Variants in PPARG observed in about 807,000 individuals in gnomAD.
The protein encoded by PPARG is peroxisome proliferator activated receptor gamma.
Under a neutral mutation model 39.2 loss-of-function variants are expected in PPARG, and 17 were observed. The ratio of observed to expected loss-of-function variants is 0.43; its 90% confidence interval spans 0.30 to 0.65. PPARG has a LOEUF of 0.65. Ranked by LOEUF, PPARG falls within the 30% of genes least tolerant of loss-of-function variation. The pLI, the probability that PPARG is intolerant of heterozygous loss-of-function variation, is 0.13. For synonymous variants in PPARG, 223 were observed against 215.7 expected (o/e 1.03, Z -0.30); for missense variants, 406 against 585.9 (o/e 0.69, Z 3.17).
intron 1 of PPARG, among the ~76,000 whole-genome samples, chr3:12,296,239 A>G (rs2046780262): frequency 7.0e-6 from 1 of 143,756 alleles, no homozygotes; most frequent in African/African-American, 2.6e-5. Context: ...TGGGCAACAG[A>G]GCAACACTTT....
chr3:12,361,521 T>C (rs1236952639), intron 2 of PPARG, among the ~76,000 whole-genome samples: 1 of 152,234 alleles, frequency 6.6e-6, no homozygotes, highest in Non-Finnish European at 1.5e-5. Context: ...GAATTGACTT[T>C]TGTGTATGTT....
At chr3:12,348,504 C>T (rs755567139) in intron 2 of PPARG, among the ~76,000 whole-genome samples, 1 of 152,140 alleles carries the variant, frequency 6.6e-6, no homozygotes, top group South Asian at 2.1e-4. Flanking sequence ...AGTTTTCATC[C>T]TCCTCATTAT....
chr3:12,305,779 T>C (rs932199686), intron 1 of PPARG: 1 of 152,254 alleles, frequency 6.6e-6, no homozygotes, highest in Non-Finnish European at 1.5e-5. Context: ...TAACTTAGTA[T>C]ACAATGAATT....
intron 2 of PPARG, among the ~76,000 whole-genome samples, chr3:12,347,406 C>T (rs192320298): frequency 0.012 from 1,734 of 150,180 alleles, 28 homozygotes; most frequent in African/African-American, 0.038. Flanking sequence ...TGGGACTATC[C>T]GGCTTGTTGT....
At chr3:12,409,835 C>T (rs777276592) in intron 6 of PPARG, among the ~76,000 whole-genome samples, 1 of 152,176 alleles carries the variant, frequency 6.6e-6, no homozygotes, top group East Asian at 1.9e-4. Context: ...TTGTAGAATG[C>T]GCCCTGCCCG....
chr3:12,312,748 T>C (rs145069949), intron 2 of PPARG, among the ~76,000 whole-genome samples: 1 of 85,350 alleles, frequency 1.2e-5, no homozygotes, highest in Non-Finnish European at 2.7e-5. Context: ...TCTACTTAAG[T>C]AATAATTACA....
At chr3:12,340,584 G>T (rs1165334508) in intron 2 of PPARG, among the ~76,000 whole-genome samples, 1 of 152,100 alleles carries the variant, frequency 6.6e-6, no homozygotes, top group Non-Finnish European at 1.5e-5. Context: ...AAATAAAAAT[G>T]TAACATCTTA....
At chr3:12,429,552 CAAAAAAA>C (rs753288907) in intron 7 of PPARG, among the ~76,000 whole-genome samples, 2,770 of 99,642 alleles carry the variant, frequency 0.028, 86 homozygotes, top group African/African-American at 0.1. Flanking sequence ...CTGTCTCTAC[CAAAAAAA>C]AAAAAAAAAA....
At chr3:12,335,821 G>A (rs1405537450) in intron 2 of PPARG, among the ~76,000 whole-genome samples, 1 of 151,844 alleles carries the variant, frequency 6.6e-6, no homozygotes, top group Non-Finnish European at 1.5e-5. Context: ...ATTAGAAGTA[G>A]AAGGCAATGT....
At chr3:12,429,505 C>G (rs542383603) in intron 7 of PPARG, among the ~76,000 whole-genome samples, 12 of 147,382 alleles carry the variant, frequency 8.1e-5, no homozygotes, top group African/African-American at 3.0e-4. Flanking sequence ...ATCTCTTGAG[C>G]CCAGCATTCA....
At chr3:12,357,001 A>G (rs115384912) in intron 2 of PPARG, among the ~76,000 whole-genome samples, 105 of 152,168 alleles carry the variant, frequency 6.9e-4, no homozygotes, top group African/African-American at 2.5e-3. Context: ...TCTAAACTGA[A>G]AATGTGTTCA....
intron 2 of PPARG, among the ~76,000 whole-genome samples, chr3:12,365,547 T>G (rs994279625): frequency 1.3e-5 from 2 of 152,030 alleles, no homozygotes; most frequent in Admixed American, 1.3e-4. Context: ...TTGAGTTAAT[T>G]TTTATGAAGA....
At chr3:12,358,460 T>G (rs1327351735) in intron 2 of PPARG, among the ~76,000 whole-genome samples, 3 of 152,202 alleles carry the variant, frequency 2.0e-5, no homozygotes, top group Admixed American at 6.5e-5. Context: ...TTAAGTCAGA[T>G]CTTTAGGAAA....
At chr3:12,299,056 A>C (rs1463020323) in intron 1 of PPARG, among the ~76,000 whole-genome samples, 7 of 151,994 alleles carry the variant, frequency 4.6e-5, no homozygotes, top group Admixed American at 4.6e-4. Flanking sequence ...GCTGGTCTTG[A>C]ACTCGTAGGC....
chr3:12,293,846 T>G (rs1242890861), intron 1 of PPARG, among the ~76,000 whole-genome samples: 2 of 152,248 alleles, frequency 1.3e-5, no homozygotes, highest in Non-Finnish European at 2.9e-5. Context: ...AGTGCAATGA[T>G]GAAGTTCCGG....
chr3:12,352,996 A>G (rs2048536403), intron 2 of PPARG, among the ~76,000 whole-genome samples: 1 of 152,212 alleles, frequency 6.6e-6, no homozygotes, highest in Non-Finnish European at 1.5e-5. Context: ...AGTTTTGTCT[A>G]TTTTGAAAGA....
intron 2 of PPARG, among the ~76,000 whole-genome samples, chr3:12,360,029 A>C (rs1397725182): frequency 1.3e-5 from 2 of 151,954 alleles, no homozygotes; most frequent in Non-Finnish European, 1.5e-5. Flanking sequence ...CGCCATTTAC[A>C]CTGATTTGAA....
chr3:12,314,555 T>G (rs1053384183), intron 2 of PPARG, among the ~76,000 whole-genome samples: 3 of 152,132 alleles, frequency 2.0e-5, no homozygotes, highest in Non-Finnish European at 4.4e-5. Context: ...TTAATCTCAT[T>G]TGACTATGAG....
chr3:12,433,224 A>G (rs1233623937), intron 7 of PPARG, among the ~76,000 whole-genome samples: 3 of 152,230 alleles, frequency 2.0e-5, no homozygotes, highest in African/African-American at 7.2e-5. Flanking sequence ...TAGATTCATC[A>G]GGAAGGAGCA....
Sources: gnomAD v4.1 joint callset for allele counts (sites outside exome capture counted in the v4.1 genomes callset) on GRCh38, gnomAD v4.1.1 for gene constraint, MANE v1.5 for transcripts, NCBI Gene and HGNC (gene_info 2026-07-23, HGNC 2026-07-21) for gene names.